HDAC9: variants seen among roughly 807,000 people sequenced by gnomAD.
HDAC9 encodes histone deacetylase 9, also known as MEF-2 interacting transcription repressor (MITR) protein.
HDAC9 carries 41 observed loss-of-function variants against 139.4 expected under a neutral mutation model. The observed-to-expected ratio is 0.29, with a 90% CI of 0.23 to 0.38. The LOEUF is 0.38. HDAC9 is among the 10% of genes least tolerant of loss of function. The pLI is 1.00. For synonymous variants in HDAC9, 517 were observed against 476.2 expected, an observed-to-expected ratio of 1.09 and a Z score of -1.12; for missense variants, 1,147 against 1,297.0, an observed-to-expected ratio of 0.88 and a Z score of 1.78.
intron 1 of HDAC9, among the ~76,000 whole-genome samples, chr7:18,398,647 C>CT (rs1787270212): frequency 6.6e-6 from 1 of 152,036 alleles, no homozygotes. Context: ...CCATTGAATT[C>CT]TTTAAGATAT....
At chr7:18,717,866 AAG>A (rs1192652315) in intron 12 of HDAC9, among the ~76,000 whole-genome samples, 1 of 152,238 alleles carries the variant, frequency 6.6e-6, no homozygotes, top group Non-Finnish European at 1.5e-5. Flanking sequence ...GAAATTAAGA[AAG>A]GAGATAAAAA....
chr7:18,578,347 C>G (rs1465801056), intron 2 of HDAC9, among the ~76,000 whole-genome samples: 1 of 152,184 alleles, frequency 6.6e-6, no homozygotes, highest in Non-Finnish European at 1.5e-5. Context: ...CTCTACTGAG[C>G]AGAGGCGATC....
chr7:18,409,824 G>C (rs1395315498), intron 1 of HDAC9, among the ~76,000 whole-genome samples: 2 of 152,140 alleles, frequency 1.3e-5, no homozygotes, highest in East Asian at 3.9e-4. Flanking sequence ...AGGATGGAAA[G>C]CTCCTCAAAT....
intron 1 of HDAC9, among the ~76,000 whole-genome samples, chr7:18,312,786 A>T (rs1799401377): frequency 6.6e-6 from 1 of 152,086 alleles, no homozygotes; most frequent in Non-Finnish European, 1.5e-5. Context: ...CATGGTAAGA[A>T]ATCTTTGTAT....
At chr7:18,257,463 A>C (rs889629519) in intron 2 of HDAC9, among the ~76,000 whole-genome samples, 2 of 151,852 alleles carry the variant, frequency 1.3e-5, no homozygotes, top group Non-Finnish European at 1.5e-5. Context: ...AAAGTAGCAT[A>C]AATTAAAGAT....
intron 1 of HDAC9, among the ~76,000 whole-genome samples, chr7:18,484,610 TA>T (rs1333336049): frequency 6.6e-6 from 1 of 152,196 alleles, no homozygotes; most frequent in African/African-American, 2.4e-5. Flanking sequence ...AATTAGCCCT[TA>T]GAACCATTTA....
intron 7 of HDAC9, among the ~76,000 whole-genome samples, chr7:18,634,406 T>G (rs541532920): frequency 2.0e-5 from 3 of 152,022 alleles, no homozygotes; most frequent in Non-Finnish European, 4.4e-5. Context: ...CTAGAAACTG[T>G]TGAACACTAT....
At chr7:18,210,213 C>T (rs905615207) in intron 2 of HDAC9, among the ~76,000 whole-genome samples, 2 of 151,998 alleles carry the variant, frequency 1.3e-5, no homozygotes, top group African/African-American at 4.8e-5. Context: ...TGTGATACAA[C>T]CTTAAATAAG....
chr7:18,526,411 AC>A (rs1313464655), intron 2 of HDAC9, among the ~76,000 whole-genome samples: 3 of 152,166 alleles, frequency 2.0e-5, no homozygotes, highest in Admixed American at 2.0e-4. Context: ...AGCAATGGAA[AC>A]TTTTGTTGTA....
chr7:18,119,001 A>G (rs560827201), intron 1 of HDAC9, among the ~76,000 whole-genome samples: 2 of 152,284 alleles, frequency 1.3e-5, no homozygotes, highest in East Asian at 3.9e-4. Context: ...TTCTTTCAGA[A>G]TATTTTATCT....
At chr7:18,869,144 T>TGG (rs1034118699) in intron 21 of HDAC9, among the ~76,000 whole-genome samples, 91 of 125,576 alleles carry the variant, frequency 7.2e-4, no homozygotes, top group South Asian at 1.8e-3. Context: ...GACTCACAAT[T>TGG]GGGGTGTGTG....
intron 24 of HDAC9, among the ~76,000 whole-genome samples, chr7:18,967,172 TAAAAAC>T (rs1783915275): frequency 6.6e-6 from 1 of 152,114 alleles, no homozygotes; most frequent in African/African-American, 2.4e-5. Flanking sequence ...AAAACAAAAA[TAAAAAC>T]TAAAACCAAA....
At chr7:18,411,714 C>G (rs1388059113) in intron 1 of HDAC9, among the ~76,000 whole-genome samples, 1 of 151,722 alleles carries the variant, frequency 6.6e-6, no homozygotes, top group African/African-American at 2.4e-5. Context: ...ATGATTTTGC[C>G]CAAATGTAGG....
chr7:18,937,149 C>T (rs1781700366), intron 23 of HDAC9, among the ~76,000 whole-genome samples: 1 of 151,274 alleles, frequency 6.6e-6, no homozygotes, highest in Non-Finnish European at 1.5e-5. Flanking sequence ...AAGTGATTCC[C>T]CTGCCTCAGC....
At chr7:18,883,109 G>A (rs1211353783) in intron 22 of HDAC9, among the ~76,000 whole-genome samples, 1 of 152,052 alleles carries the variant, frequency 6.6e-6, no homozygotes, top group African/African-American at 2.4e-5. Context: ...CTCAGTCATT[G>A]CTTGCCTAAA....
chr7:18,547,739 A>G (rs1333677119), intron 2 of HDAC9, among the ~76,000 whole-genome samples: 1 of 152,006 alleles, frequency 6.6e-6, no homozygotes, highest in Admixed American at 6.5e-5. Context: ...AATATTCTGA[A>G]TCCTTTGTCA....
chr7:18,634,585 A>G (rs1209899295), intron 7 of HDAC9, 42 bp from the exon 8 acceptor site: 4 of 1,218,366 alleles, frequency 3.3e-6, no homozygotes, highest in East Asian at 2.6e-5. Flanking sequence ...TCATCTATGT[A>G]TGTTCCTCAT....
At chr7:18,463,204 T>C (rs1002480198) in intron 1 of HDAC9, among the ~76,000 whole-genome samples, 1 of 152,040 alleles carries the variant, frequency 6.6e-6, no homozygotes, top group African/African-American at 2.4e-5. Context: ...GAGATTAGTT[T>C]GTAATTTTCC....
intron 1 of HDAC9, among the ~76,000 whole-genome samples, chr7:18,361,400 C>T (rs1157590529): frequency 6.6e-6 from 1 of 152,204 alleles, no homozygotes; most frequent in Non-Finnish European, 1.5e-5. Flanking sequence ...TCATTTCAAA[C>T]ATCTAATCTA....
Sources: allele counts gnomAD v4.1 joint callset (sites outside exome capture counted in the v4.1 genomes callset), GRCh38; gene constraint gnomAD v4.1.1; transcripts MANE v1.5; gene names NCBI Gene and HGNC (gene_info 2026-07-23, HGNC 2026-07-21).